Variants in GRAMD1B observed in about 807,000 individuals in gnomAD.
GRAMD1B encodes protein Aster-B.
In GRAMD1B, 37 loss-of-function variants were observed where a neutral mutation model predicts 99.7. The ratio of observed to expected loss-of-function variants is 0.37; its 90% CI spans 0.29 to 0.49. GRAMD1B has a LOEUF of 0.49. Among genes scored for constraint, GRAMD1B ranks in the 20% least tolerant of loss-of-function variants. The probability of loss-of-function intolerance (pLI) is 0.98; values close to 1 mark genes in which losing one functional copy is unlikely to be tolerated. For missense variants in GRAMD1B, 888 were observed against 1,009.2 expected, an observed-to-expected ratio of 0.88 and a Z score of 1.63; for synonymous variants, 427 against 387.6, an observed-to-expected ratio of 1.10 and a Z score of -1.19.
intron 1 of GRAMD1B, among the ~76,000 whole-genome samples, chr11:123,432,327 C>G (rs1447722747): frequency 1.3e-5 from 2 of 152,112 alleles, no homozygotes; most frequent in Admixed American, 1.3e-4. Flanking sequence ...GAGGCCGAAG[C>G]GTGTGGATCA....
intron 9 of GRAMD1B, 100 bp downstream of exon 9, chr11:123,603,641 T>C: frequency 1.3e-6 from 1 of 745,814 alleles, no homozygotes; most frequent in Non-Finnish European, 2.4e-6. Flanking sequence ...TGTGCAGCCA[T>C]GGAATGAACT....
intron 19 of GRAMD1B, 61 bp from the exon 20 acceptor site, chr11:123,622,445 C>T (rs533654517): frequency 3.4e-5 from 34 of 1,013,550 alleles, no homozygotes; most frequent in Middle Eastern, 2.0e-4. Context: ...GAGGGCTGCT[C>T]GGTGGAGAAT....
At chr11:123,394,293 C>T (rs1001943494) in intron 1 of GRAMD1B, among the ~76,000 whole-genome samples, 18 of 152,228 alleles carry the variant, frequency 1.2e-4, no homozygotes, top group African/African-American at 3.9e-4. Flanking sequence ...TTCTCTCTTA[C>T]TATCAGCATT....
chr11:123,619,424 A>G (rs1565478809), intron 19 of GRAMD1B, 200 bp downstream of exon 19: 1 of 1,392,744 alleles, frequency 7.2e-7, no homozygotes, highest in African/African-American at 1.5e-5. Context: ...ATTCTAAAAA[A>G]TAAGAACAAT....
At chr11:123,397,726 C>A (rs530917485) in intron 1 of GRAMD1B, among the ~76,000 whole-genome samples, 8 of 152,078 alleles carry the variant, frequency 5.3e-5, no homozygotes, top group Non-Finnish European at 1.2e-4. Context: ...CCAGGCTGGT[C>A]TCGAACTCCT....
At chr11:123,416,398 A>T (rs1363032706) in intron 1 of GRAMD1B, among the ~76,000 whole-genome samples, 2 of 152,194 alleles carry the variant, frequency 1.3e-5, no homozygotes, top group Non-Finnish European at 2.9e-5. Context: ...TGACCAGCCC[A>T]AGAGTTCTAT....
chr11:123,373,666 G>T (rs1946604089), intron 1 of GRAMD1B, among the ~76,000 whole-genome samples: 1 of 152,098 alleles, frequency 6.6e-6, no homozygotes, highest in Admixed American at 6.6e-5. Context: ...GGTGGGAGAA[G>T]GTTATTTGAC....
At chr11:123,609,075 C>T (rs571372600) in intron 12 of GRAMD1B, among the ~76,000 whole-genome samples, 1 of 152,204 alleles carries the variant, frequency 6.6e-6, no homozygotes, top group East Asian at 1.9e-4. Context: ...CCCTGTCCCT[C>T]CCCTCACAGG....
At chr11:123,495,484 G>A (rs557708959) in intron 2 of GRAMD1B, among the ~76,000 whole-genome samples, 32 of 152,182 alleles carry the variant, frequency 2.1e-4, no homozygotes. Context: ...TCACCCTGTT[G>A]TGCTATCAAA....
chr11:123,551,130 A>T (rs1390947234), intron 2 of GRAMD1B, among the ~76,000 whole-genome samples: 1 of 152,016 alleles, frequency 6.6e-6, no homozygotes, highest in African/African-American at 2.4e-5. Context: ...TCCATAAAAA[A>T]TTCTAGAGCT....
At chr11:123,395,567 G>C (rs1038808758) in intron 1 of GRAMD1B, among the ~76,000 whole-genome samples, 1 of 152,174 alleles carries the variant, frequency 6.6e-6, no homozygotes, top group Non-Finnish European at 1.5e-5. Context: ...CCCCAGGTGA[G>C]GTGTAGGTTT....
At chr11:123,368,248 C>T (rs1591361595) in intron 1 of GRAMD1B, among the ~76,000 whole-genome samples, 2 of 74,404 alleles carry the variant, frequency 2.7e-5, no homozygotes, top group South Asian at 4.1e-4. Flanking sequence ...TGCGAAACTA[C>T]ATCTTAAAAC....
At chr11:123,447,433 C>T (rs1051830359) in intron 1 of GRAMD1B, among the ~76,000 whole-genome samples, 1 of 152,156 alleles carries the variant, frequency 6.6e-6, no homozygotes, top group Non-Finnish European at 1.5e-5. Context: ...CATATTCATC[C>T]AGGAAGGAGC....
At chr11:123,450,926 C>G (rs980448393) in intron 1 of GRAMD1B, among the ~76,000 whole-genome samples, 7 of 152,060 alleles carry the variant, frequency 4.6e-5, no homozygotes, top group African/African-American at 1.7e-4. Flanking sequence ...CTTTATTATC[C>G]AGTGTAATGA....
At chr11:123,474,390 A>G (rs1035930522) in intron 1 of GRAMD1B, among the ~76,000 whole-genome samples, 11 of 152,234 alleles carry the variant, frequency 7.2e-5, no homozygotes, top group African/African-American at 2.7e-4. Context: ...GCTAAGTGGC[A>G]GAGTCAGGAC....
At chr11:123,393,947 C>G (rs572763940) in intron 1 of GRAMD1B, among the ~76,000 whole-genome samples, 53 of 152,310 alleles carry the variant, frequency 3.5e-4, no homozygotes, top group African/African-American at 1.0e-3. Context: ...CAATTTCATT[C>G]TCTTTCCACT....
intron 1 of GRAMD1B, among the ~76,000 whole-genome samples, chr11:123,379,833 A>G (rs1444769521): frequency 1.3e-5 from 2 of 152,172 alleles, no homozygotes; most frequent in African/African-American, 2.4e-5. Context: ...TAACTTCTCC[A>G]TCTCCTCGTC....
At chr11:123,472,983 A>C (rs982153635) in intron 1 of GRAMD1B, among the ~76,000 whole-genome samples, 1 of 152,242 alleles carries the variant, frequency 6.6e-6, no homozygotes, top group Non-Finnish European at 1.5e-5. Context: ...TTGTTAGAAA[A>C]GAAAATGATT....
chr11:123,610,099 C>T lies in GRAMD1B; in HGVS notation c.1777-97C>T, dbSNP rs1953332191. ...TGATCCTGGTTCTCCTGTTCAGAAG[C>T]CGTGGGGTGGGGTGGGCTTGGGGAG... On this transcript the variant is annotated intron_variant, in intron 13 of 19. Coordinates refer to ENST00000635736, the MANE Select transcript of GRAMD1B (RefSeq NM_001387025.1). This position sits in a 1 kb window ranked among gnomAD's most constrained non-coding sequence, Gnocchi z 4.1. 1.8e-6 allele frequency: 2 copies of T among 1,134,428 alleles called. No individual in the cohort carries two copies. Among genetic ancestry groups the T allele is most frequent in the Non-Finnish European group, 2.6e-6 (2 of 772,004 alleles). The allele number at this position is 1,134,428 out of a possible 1,614,324, so 70.3% of individuals were successfully genotyped here.
Sources: allele counts gnomAD v4.1 joint callset (sites outside exome capture counted in the v4.1 genomes callset), GRCh38; gene constraint gnomAD v4.1.1; non-coding constraint Gnocchi (gnomAD v3.1); transcripts MANE v1.5; gene names NCBI Gene and HGNC (gene_info 2026-07-23, HGNC 2026-07-21).